The following CUL3 variants were observed in gnomAD, a reference collection of about 807,000 sequenced individuals.
CUL3 encodes cullin-3.
CUL3 carries 19 observed loss-of-function variants against 89.1 expected under a neutral mutation model. The observed-to-expected ratio is 0.21, with a 90% CI of 0.15 to 0.31. The LOEUF is 0.31. CUL3 is among the 10% of genes least tolerant of loss of function. CUL3 has a pLI of 1.00. For synonymous variants in CUL3, 351 were observed against 308.4 expected, an observed-to-expected ratio of 1.14 and a Z score of -1.45; for missense variants, 469 against 942.3, an observed-to-expected ratio of 0.50 and a Z score of 6.58.
chr2:224,538,891 C>T (rs988599314), intron 2 of CUL3, among the ~76,000 whole-genome samples: 1 of 152,054 alleles, frequency 6.6e-6, no homozygotes, highest in African/African-American at 2.4e-5. Flanking sequence ...ATTTTAAGTA[C>T]GATGCAGTAG....
intron 1 of CUL3, among the ~76,000 whole-genome samples, chr2:224,571,060 T>A (rs1313936582): frequency 6.6e-6 from 1 of 152,090 alleles, no homozygotes; most frequent in African/African-American, 2.4e-5. Context: ...CCACAACAAA[T>A]AAGATACAAT....
intron 1 of CUL3, among the ~76,000 whole-genome samples, chr2:224,569,231 CAA>C (rs1687474165): frequency 6.6e-6 from 1 of 152,030 alleles, no homozygotes; most frequent in Admixed American, 6.5e-5. Context: ...AATGCGTCAG[CAA>C]AACAATAAAA....
chr2:224,558,072 C>T (rs1168240650), intron 1 of CUL3, among the ~76,000 whole-genome samples: 1 of 151,940 alleles, frequency 6.6e-6, no homozygotes, highest in Non-Finnish European at 1.5e-5. Flanking sequence ...AGCACTTTCT[C>T]ATCTTTTAAG....
chr2:224,491,493 C>A (rs1248492131), intron 13 of CUL3, among the ~76,000 whole-genome samples: 1 of 152,176 alleles, frequency 6.6e-6, no homozygotes, highest in Non-Finnish European at 1.5e-5. Context: ...GCCAAATTGA[C>A]AATCATATTA....
In CUL3 at chr2:224,500,356, G is replaced by T. The variant is rs773928447; in HGVS notation, c.1610+7C>A. The stretch of plus-strand genomic sequence containing the variant: ...ACACAGTGATACAAAGTCTGATTTT[G>T]ATTTACCTTCTGAATATCTCAAAAG... On this transcript the variant is annotated splice_region_variant and intron_variant, in intron 11 of 15. Transcript: ENST00000264414. The T allele has an allele frequency of 5.6e-6, 9 of 1,613,580 alleles. No homozygotes were observed. The highest frequency in any genetic ancestry group is 6.8e-6 in the Non-Finnish European group (8 of 1,179,822).
intron 1 of CUL3, among the ~76,000 whole-genome samples, chr2:224,570,160 T>A (rs1413954242): frequency 6.6e-6 from 1 of 152,110 alleles, no homozygotes; most frequent in Non-Finnish European, 1.5e-5. Context: ...AAAAATGATC[T>A]GAATACAGTC....
chr2:224,500,332 C>T (rs1212264816), intron 11 of CUL3, 31 bp downstream of exon 11: 5 of 1,610,840 alleles, frequency 3.1e-6, no homozygotes, highest in Non-Finnish European at 4.2e-6. Flanking sequence ...CTTACTTGTA[C>T]ACAGTGATAC....
At chr2:224,532,623 G>A (rs1028422252) in intron 3 of CUL3, among the ~76,000 whole-genome samples, 7 of 151,620 alleles carry the variant, frequency 4.6e-5, no homozygotes, top group African/African-American at 1.5e-4. Flanking sequence ...AAAGGAAGAT[G>A]GCAAATGTCA....
rs1692346029 is a variant in CUL3 at position 224,500,607 on chromosome 2, A to G, written c.1486-120T>C. ...GCTCCATGTCTAATATCTAATTTAAAAAAAAGCAGATTTTCTTTTCTTTTT... is the reference window on the plus strand; with the variant it reads ...GCTCCATGTCTAATATCTAATTTAAGAAAAAGCAGATTTTCTTTTCTTTTT... On this transcript the variant is annotated intron_variant, in intron 10 of 15. Coordinates refer to ENST00000264414, the MANE Select transcript of CUL3 (RefSeq NM_003590.5). The G allele has an allele frequency of 6.5e-6, 6 of 926,312 alleles. No individual in the cohort carries two copies. In the East Asian group the frequency reaches 1.5e-4, roughly 22 times the overall value. 57.4% of individuals were successfully genotyped at this position (926,312 alleles called of 1,614,324 possible).
At chr2:224,562,627 G>C (rs1380889262) in intron 1 of CUL3, 1 of 134,390 alleles carries the variant, frequency 7.4e-6, no homozygotes, top group East Asian at 2.3e-4. Flanking sequence ...AACAGAGCAA[G>C]ACTTTGTCTC....
chr2:224,576,962 T>C (rs1695315506), intron 1 of CUL3, among the ~76,000 whole-genome samples: 1 of 152,222 alleles, frequency 6.6e-6, no homozygotes, highest in Non-Finnish European at 1.5e-5. Context: ...TTGAGAATGC[T>C]TTCTTAGAAC....
chr2:224,474,858 A>C (rs1030736595), intron 15 of CUL3, among the ~76,000 whole-genome samples: 5 of 152,182 alleles, frequency 3.3e-5, no homozygotes, highest in African/African-American at 1.2e-4. Flanking sequence ...ATAAAGAATA[A>C]TGCTGCCCAA....
In CUL3 at chr2:224,585,227, T is replaced by C. The variant is rs1390460736; in HGVS notation, c.-218A>G. Reference sequence around the variant, plus strand: ...CGGACTCTGGCGACTCCGATGCGGCTGGGGGGCTGCGCTGGCGCGGCGGCT... The same window carrying C: ...CGGACTCTGGCGACTCCGATGCGGCCGGGGGGCTGCGCTGGCGCGGCGGCT... On this transcript the variant is annotated 5_prime_UTR_variant, in exon 1 of 16. Coordinates refer to ENST00000264414, the MANE Select transcript of CUL3 (RefSeq NM_003590.5). 5.0e-5 allele frequency: 19 copies of C among 381,444 alleles called. No homozygotes were observed. Among genetic ancestry groups the C allele is most frequent in the East Asian group, 4.8e-4 (13 of 26,842 alleles). 23.6% of individuals were successfully genotyped at this position (381,444 alleles called of 1,614,324 possible).
rs980623318 is a variant in CUL3 at position 224,562,391 on chromosome 2, A to G, written c.67-4535T>C. Among the ~76,000 whole-genome samples, 43 of 152,086 alleles carry G rather than the reference A, an allele frequency of 2.8e-4. 1 individual carries two copies. Among genetic ancestry groups the G allele is most frequent in the Admixed American group, 2.8e-3 (42 of 15,272 alleles). On this transcript the variant is annotated intron_variant, in intron 1 of 15. Coordinates refer to ENST00000264414, the MANE Select transcript of CUL3 (RefSeq NM_003590.5). ...AGTGGCTCCCGCCTGTAATCCCACC[A>G]CTTTGGGAAGCCAAGGTGGACAGAT... is the stretch of plus-strand genomic sequence containing the variant.
chr2:224,519,440 T>C (rs958697871), intron 3 of CUL3, among the ~76,000 whole-genome samples: 1 of 152,168 alleles, frequency 6.6e-6, no homozygotes, highest in Non-Finnish European at 1.5e-5. Flanking sequence ...TTTAAAGCCA[T>C]GGGTTACTGT....
chr2:224,558,236 G>A (rs541369938), intron 1 of CUL3, among the ~76,000 whole-genome samples: 4 of 152,164 alleles, frequency 2.6e-5, no homozygotes, highest in East Asian at 3.9e-4. Context: ...ACATATATCC[G>A]TATAGCTGAA....
chr2:224,492,185 G>A (rs143519531), intron 13 of CUL3, among the ~76,000 whole-genome samples: 33 of 152,190 alleles, frequency 2.2e-4, no homozygotes, highest in African/African-American at 6.0e-4. Context: ...TTCAAAGTTC[G>A]CTAAACAGCC....
chr2:224,516,641 C>CTGTTTTT (rs1358956992), intron 3 of CUL3, among the ~76,000 whole-genome samples: 1 of 149,798 alleles, frequency 6.7e-6, no homozygotes, highest in African/African-American at 2.5e-5. Context: ...ATGGCTAACA[C>CTGTTTTT]TGTTTTTTGT....
Position 224,478,747 on chromosome 2 carries a change from C to A in CUL3, c.2030-402G>T, listed in dbSNP as rs80324726. On this transcript the variant is annotated intron_variant, in intron 14 of 15. Transcript: ENST00000264414. ...CACCAAAATTATCTCAGATAGGTATCTGTTGTCTTACTAACTCAAAATGTA... is the reference window on the plus strand; with the variant it reads ...CACCAAAATTATCTCAGATAGGTATATGTTGTCTTACTAACTCAAAATGTA... 1,301 of 164,016 alleles carry A rather than the reference C, an allele frequency of 7.9e-3. 15 individuals carry two copies. The highest frequency in any genetic ancestry group is 0.026 in the African/African-American group (1,103 of 41,708). The allele number at this position is 164,016 out of a possible 1,614,324, so 10.2% of individuals were successfully genotyped here.
Sources: allele counts gnomAD v4.1 joint callset (sites outside exome capture counted in the v4.1 genomes callset), GRCh38; gene constraint gnomAD v4.1.1; transcripts MANE v1.5; gene names NCBI Gene and HGNC (gene_info 2026-07-23, HGNC 2026-07-21).